The following FBXL2 variants were observed in gnomAD, a reference collection of about 807,000 sequenced individuals.
FBXL2 encodes the protein F-box and leucine rich repeat protein 2.
In FBXL2, 38 loss-of-function variants were observed where a neutral mutation model predicts 69.2. The ratio of observed to expected loss-of-function variants is 0.55; its 90% CI spans 0.42 to 0.72. The LOEUF (loss-of-function observed/expected upper bound fraction) is 0.72. FBXL2 is among the 30% of genes least tolerant of loss of function. FBXL2 has a pLI of 0.00. For missense variants in FBXL2, 354 were observed against 520.3 expected (o/e 0.68, Z 3.11); for synonymous variants, 192 against 201.3 (o/e 0.95, Z 0.39).
chr3:33,331,629 G>A (rs529918217), intron 2 of FBXL2, among the ~76,000 whole-genome samples: 2 of 152,206 alleles, frequency 1.3e-5, no homozygotes, highest in South Asian at 2.1e-4. Context: ...TGAAACCTTT[G>A]GGAGAACTTG....
At chr3:33,357,610 G>A (rs931157939) in intron 2 of FBXL2, among the ~76,000 whole-genome samples, 17 of 143,120 alleles carry the variant, frequency 1.2e-4, no homozygotes, top group African/African-American at 4.4e-4. Flanking sequence ...GCTCACTGCA[G>A]GCTCCGCCTC....
At chr3:33,332,267 G>A (rs1183053500) in intron 2 of FBXL2, among the ~76,000 whole-genome samples, 1 of 152,178 alleles carries the variant, frequency 6.6e-6, no homozygotes, top group African/African-American at 2.4e-5. Context: ...ATGTGCCAAT[G>A]GAAATGTAAA....
At chr3:33,420,485 T>A in the FBXL2 span, among the ~76,000 whole-genome samples, 1 of 142,270 alleles carries the variant, frequency 7.0e-6, no homozygotes, top group African/African-American at 2.6e-5. Flanking sequence ...GCCACCATAC[T>A]GGCTTTTTTT....
At chr3:33,307,704 T>A (rs1250424648) in intron 2 of FBXL2, among the ~76,000 whole-genome samples, 1 of 151,862 alleles carries the variant, frequency 6.6e-6, no homozygotes, top group Non-Finnish European at 1.5e-5. Context: ...ATATATATAA[T>A]ATATTAAATA....
intron 14 of FBXL2, 125 bp downstream of exon 14, chr3:33,384,326 C>A: frequency 1.1e-6 from 1 of 899,966 alleles, no homozygotes; most frequent in Non-Finnish European, 1.7e-6. Context: ...TTTCAGAAGC[C>A]AAGGTGGGTG....
Position 33,373,331 on chromosome 3 carries a change from C to A in FBXL2, c.431C>A (p.Thr144Lys), listed in dbSNP as rs1051425692. The change falls in exon 7 of 15, where the codon ACA becomes AAA. Residue 144 changes from threonine (T) to lysine (K), a missense_variant. By Grantham distance (78) the Thr-to-Lys change is moderately conservative (BLOSUM62 -1). Coordinates refer to ENST00000484457, the MANE Select transcript of FBXL2 (RefSeq NM_012157.5). ...HLDLTSCVSI[T>K]NSSLKGISEG... The stretch of plus-strand genomic sequence containing the variant: ...GATCTGACCTCCTGTGTGTCTATTA[C>A]AAACAGCTCCTTGAAGGGGATCAGG... 36 of 1,613,370 alleles carry A rather than the reference C, an allele frequency of 2.2e-5. No homozygotes were observed. Among genetic ancestry groups the A allele is most frequent in the Non-Finnish European group, 3.1e-5 (36 of 1,179,392 alleles).
Position 33,359,375 on chromosome 3 carries a change from T to G in FBXL2, c.195+18T>G. 1 of 1,598,060 alleles carries G rather than the reference T, an allele frequency of 6.3e-7. No homozygotes were observed. The highest frequency in any genetic ancestry group is 8.6e-7 in the Non-Finnish European group (1 of 1,169,150). On this transcript the variant is annotated intron_variant, in intron 4 of 14. Coordinates refer to ENST00000484457, the MANE Select transcript of FBXL2 (RefSeq NM_012157.5). The stretch of plus-strand genomic sequence containing the variant: ...ATGTAGAGGTAAGTTAGCTTTGGTT[T>G]AGACAAAAAACTTTTTAAAAATATG...
chr3:33,315,882 A>G (rs1261215847), intron 2 of FBXL2, among the ~76,000 whole-genome samples: 1 of 151,640 alleles, frequency 6.6e-6, no homozygotes, highest in Non-Finnish European at 1.5e-5. Flanking sequence ...AGTTTTTCTT[A>G]ATGGAGATGT....
chr3:33,313,971 A>C (rs1312598593), intron 2 of FBXL2, among the ~76,000 whole-genome samples: 1 of 152,108 alleles, frequency 6.6e-6, no homozygotes, highest in Admixed American at 6.6e-5. Flanking sequence ...TGATTATCTT[A>C]ATTATGCTAT....
intron 2 of FBXL2, among the ~76,000 whole-genome samples, chr3:33,332,767 C>A (rs1238464196): frequency 6.6e-6 from 1 of 152,110 alleles, no homozygotes; most frequent in African/African-American, 2.4e-5. Context: ...GTGATTGTAA[C>A]ACGGTGGTAT....
the FBXL2 span, chr3:33,414,258 G>C: frequency 6.6e-6 from 1 of 151,968 alleles, no homozygotes; most frequent in African/African-American, 2.4e-5. Context: ...AAAAGGAAGG[G>C]AGGAAGGGAA....
In FBXL2 at chr3:33,299,132, C is replaced by T. The variant is rs1410290074; in HGVS notation, c.65+1407C>T. Among the ~76,000 whole-genome samples the T allele has an allele frequency of 1.3e-5, 2 of 151,856 alleles. 1 individual carries two copies. Among genetic ancestry groups the T allele is most frequent in the Non-Finnish European group, 2.9e-5 (2 of 67,994 alleles). ...TCTCGGCTCACCGCATCTTCCGCCT[C>T]CCAGGTTCAAGCGATTCTCCTGCCT... is the stretch of plus-strand genomic sequence containing the variant. On this transcript the variant is annotated intron_variant, in intron 2 of 14. Coordinates refer to ENST00000484457, the MANE Select transcript of FBXL2 (RefSeq NM_012157.5).
At chr3:33,410,007 C>T in the FBXL2 span, among the ~76,000 whole-genome samples, 1 of 152,178 alleles carries the variant, frequency 6.6e-6, no homozygotes, top group South Asian at 2.1e-4. Flanking sequence ...TGTTGTTTGC[C>T]CTCTACTGCC....
chr3:33,391,463 T>C (rs2043759687), downstream of FBXL2: 1 of 152,238 alleles, frequency 6.6e-6, no homozygotes, highest in African/African-American at 2.4e-5. Context: ...TCACTGCTGA[T>C]ATGCTGAAGG....
At chr3:33,277,565 G>A (rs754910556) in intron 1 of FBXL2, 50 bp downstream of exon 1, 9 of 1,257,532 alleles carry the variant, frequency 7.2e-6, no homozygotes, top group Non-Finnish European at 9.1e-6. Context: ...ACCCCTACCG[G>A]GCTGGGTCCG....
At chr3:33,381,944 A>G (rs2043093401) in intron 13 of FBXL2, among the ~76,000 whole-genome samples, 2 of 152,246 alleles carry the variant, frequency 1.3e-5, no homozygotes, top group Non-Finnish European at 2.9e-5. Flanking sequence ...TCAAGGTCCA[A>G]CAGAATTCCT....
chr3:33,325,059 G>A (rs1057354293), intron 2 of FBXL2, among the ~76,000 whole-genome samples: 26 of 152,044 alleles, frequency 1.7e-4, no homozygotes, highest in African/African-American at 5.8e-4. Flanking sequence ...TATTCTCTTC[G>A]TAGCAGTTGT....
intron 1 of FBXL2, among the ~76,000 whole-genome samples, chr3:33,280,536 C>T (rs539174801): frequency 6.6e-6 from 1 of 151,836 alleles, no homozygotes; most frequent in Admixed American, 6.6e-5. Flanking sequence ...TGGTGAGACC[C>T]ATCTCTACTA....
rs766524057 is a variant in FBXL2 at position 33,384,156 on chromosome 3, G to C, written c.1119G>C (p.Leu373=). The change falls in exon 14 of 15, where the codon CTG becomes CTC. Residue 373 remains leucine (L), a synonymous_variant. Coordinates refer to ENST00000484457, the MANE Select transcript of FBXL2 (RefSeq NM_012157.5). ...ENCRGLERLE[L]YDCQQVTRAG... ...GCCGAGGCCTGGAGCGCCTCGAGCT[G>C]TACGACTGCCAGCAGGTTACCCGTG... The C allele has an allele frequency of 1.9e-6, 3 of 1,614,158 alleles. No individual in the cohort carries two copies. The highest frequency in any genetic ancestry group is 8.5e-7 in the Non-Finnish European group (1 of 1,180,030).
Sources: allele counts gnomAD v4.1 joint callset (sites outside exome capture counted in the v4.1 genomes callset), GRCh38; gene constraint gnomAD v4.1.1; transcripts MANE v1.5; gene names NCBI Gene and HGNC (gene_info 2026-07-23, HGNC 2026-07-21).